Variants in DAPK1 observed in about 807,000 individuals in gnomAD.
The protein encoded by DAPK1 is death-associated protein kinase 1.
Under a neutral mutation model 144.9 loss-of-function variants are expected in DAPK1, and 56 were observed. That is an observed-to-expected ratio of 0.39 (90% confidence interval 0.31 to 0.48). DAPK1 has a LOEUF of 0.48. Among genes scored for constraint, DAPK1 ranks in the 20% least tolerant of loss-of-function variants. The probability of loss-of-function intolerance (pLI) is 0.95; values close to 1 mark genes in which losing one functional copy is unlikely to be tolerated. For synonymous variants in DAPK1, 690 were observed against 749.0 expected, an observed-to-expected ratio of 0.92 and a Z score of 1.29; for missense variants, 1,454 against 1,875.4, an observed-to-expected ratio of 0.78 and a Z score of 4.15.
chr9:87,643,279 C>G, intron 10 of DAPK1, 97 bp from the exon 11 acceptor site: 1 of 682,028 alleles, frequency 1.5e-6, no homozygotes, highest in Non-Finnish European at 2.4e-6. Flanking sequence ...GTCGTTTGTA[C>G]TCATTTGACA....
At chr9:87,681,271 T>TC (rs1385605240) in intron 19 of DAPK1, 133 bp from the exon 20 acceptor site, 1 of 403,598 alleles carries the variant, frequency 2.5e-6, no homozygotes, top group Non-Finnish European at 4.3e-6. Flanking sequence ...AGAGTGAAAC[T>TC]CCGTCTCAAA....
chr9:87,568,146 GCACCGGGGAGCTGC>G (rs1295514127), intron 2 of DAPK1, among the ~76,000 whole-genome samples: 1 of 152,224 alleles, frequency 6.6e-6, no homozygotes, highest in Non-Finnish European at 1.5e-5. Flanking sequence ...CAGGCATAAG[GCACCGGGGAGCTGC>G]GGGCCTGTGT....
At chr9:87,644,961 A>G (rs369195429) in intron 11 of DAPK1, among the ~76,000 whole-genome samples, 4 of 152,330 alleles carry the variant, frequency 2.6e-5, no homozygotes, top group South Asian at 4.1e-4. Flanking sequence ...GCATTCTTAA[A>G]CATGCATTTT....
chr9:87,648,631 G>A (rs1370474700), intron 14 of DAPK1, 150 bp from the exon 15 acceptor site: 1 of 639,610 alleles, frequency 1.6e-6, no homozygotes, highest in African/African-American at 1.8e-5. Flanking sequence ...CCCCATCCTA[G>A]CCACTATAGG....
chr9:87,641,984 C>G lies in DAPK1; in HGVS notation c.844C>G (p.Gln282Glu). Residue 282 changes from glutamine to glutamate, a missense_variant, in exon 10 of 26, where the codon CAG (glutamine) becomes GAG (glutamate). Coordinates refer to ENST00000408954, the MANE Select transcript of DAPK1 (RefSeq NM_004938.4). Reference sequence around the variant, plus strand: ...TTTATTTTAGCCTAAAGATACACAACAGGCACTTAGTAGAAAAGCATCAGC... The same window carrying G: ...TTTATTTTAGCCTAAAGATACACAAGAGGCACTTAGTAGAAAAGCATCAGC... The part of the protein sequence containing the change: ...HPWIKPKDTQ[Q>E]ALSRKASAVN... The G allele has an allele frequency of 5.0e-6, 8 of 1,613,584 alleles. No homozygotes were observed. Among genetic ancestry groups the G allele is most frequent in the Non-Finnish European group, 6.8e-6 (8 of 1,179,716 alleles).
rs563842094 is a variant in DAPK1 at position 87,520,781 on chromosome 9, G to A, written c.62+21642G>A. On this transcript the variant is annotated intron_variant, in intron 2 of 25. Transcript: ENST00000408954. ...TGTGTATACATACATACCTGTGTGC[G>A]TACATACATAGGTATATATACATAC... is the stretch of plus-strand genomic sequence containing the variant. Among the ~76,000 whole-genome samples, 7 of 152,192 alleles carry A rather than the reference G, an allele frequency of 4.6e-5. No individual in the cohort carries two copies. In the East Asian group the frequency reaches 5.8e-4, roughly 13 times the overall value.
At chr9:87,552,945 T>A (rs978411642) in intron 2 of DAPK1, among the ~76,000 whole-genome samples, 1 of 151,922 alleles carries the variant, frequency 6.6e-6, no homozygotes, top group Non-Finnish European at 1.5e-5. Context: ...TCAGTGGCAG[T>A]AAGAACATTC....
At chr9:87,691,251 A>G (rs1825044572) in intron 21 of DAPK1, among the ~76,000 whole-genome samples, 1 of 151,918 alleles carries the variant, frequency 6.6e-6, no homozygotes, top group Non-Finnish European at 1.5e-5. Flanking sequence ...GAATTTATCC[A>G]TTTCCTCTAG....
intron 17 of DAPK1, among the ~76,000 whole-genome samples, chr9:87,654,355 A>G (rs564888582): frequency 2.0e-5 from 3 of 152,362 alleles, no homozygotes; most frequent in Non-Finnish European, 2.9e-5. Context: ...ATGTTTATCA[A>G]TGGCATATAC....
intron 19 of DAPK1, among the ~76,000 whole-genome samples, chr9:87,673,078 G>A (rs767885300): frequency 5.9e-5 from 9 of 152,146 alleles, no homozygotes; most frequent in Non-Finnish European, 1.2e-4. Context: ...GGCAGTTTGG[G>A]TGACTGGGAG....
chr9:87,571,473 A>ACACC (rs377253457), intron 2 of DAPK1, among the ~76,000 whole-genome samples: 2,550 of 57,484 alleles, frequency 0.044, 558 homozygotes, highest in African/African-American at 0.094. Flanking sequence ...ACACACACAC[A>ACACC]CCAACACACA....
chr9:87,686,253 C>T lies in DAPK1; in HGVS notation c.2225-298C>T, dbSNP rs1007955870. 1.5e-3 allele frequency among the ~76,000 whole-genome samples: 236 copies of T among 152,260 alleles called. 1 individual carries two copies. Among genetic ancestry groups the T allele is most frequent in the African/African-American group, 5.4e-3 (224 of 41,550 alleles). On this transcript the variant is annotated intron_variant, in intron 20 of 25. Transcript: ENST00000408954. This position sits in a 1 kb window ranked among gnomAD's most constrained non-coding sequence, Gnocchi z 4.2. ...CTCTCCACAGCCTCCCGTTGGCTGA[C>T]CCTAAGCAGAAATCACATGGCAAGC...
chr9:87,601,415 C>A (rs1168130010), intron 2 of DAPK1, among the ~76,000 whole-genome samples: 1 of 152,204 alleles, frequency 6.6e-6, no homozygotes, highest in East Asian at 1.9e-4. Flanking sequence ...TGGCAACACA[C>A]CCTCTGGGTG....
At chr9:87,632,766 A>G in intron 3 of DAPK1, 2 of 982,056 alleles carry the variant, frequency 2.0e-6, no homozygotes, top group Non-Finnish European at 2.4e-6. Flanking sequence ...GAGGATGAGT[A>G]TATATGTAGA....
intron 2 of DAPK1, among the ~76,000 whole-genome samples, chr9:87,550,703 A>G (rs1050790233): frequency 2.0e-5 from 3 of 152,086 alleles, no homozygotes; most frequent in African/African-American, 7.2e-5. Context: ...TCAGTATACA[A>G]ATTTGAGGGG....
At chr9:87,705,222 T>C (rs1309744947) in intron 25 of DAPK1, among the ~76,000 whole-genome samples, 1 of 150,260 alleles carries the variant, frequency 6.7e-6, no homozygotes, top group African/African-American at 2.4e-5. Context: ...TTTATTTATT[T>C]TTTTAATTAA....
intron 3 of DAPK1, among the ~76,000 whole-genome samples, chr9:87,636,286 A>G (rs1829892284): frequency 6.6e-6 from 1 of 152,070 alleles, no homozygotes; most frequent in Admixed American, 6.5e-5. Context: ...CCCCTGGAGG[A>G]TAGGGGAGGC....
At chr9:87,681,321 T>G (rs1824609650) in intron 19 of DAPK1, 83 bp from the exon 20 acceptor site, 4 of 777,978 alleles carry the variant, frequency 5.1e-6, no homozygotes, top group Non-Finnish European at 8.8e-6. Context: ...GGGTAAAAAC[T>G]GCACACCGGG....
At chr9:87,526,371 G>A (rs1049006920) in intron 2 of DAPK1, among the ~76,000 whole-genome samples, 6 of 152,170 alleles carry the variant, frequency 3.9e-5, no homozygotes, top group Non-Finnish European at 5.9e-5. Context: ...TGTTCTTGCA[G>A]TGTCTCCTTT....
Sources: allele counts gnomAD v4.1 joint callset (sites outside exome capture counted in the v4.1 genomes callset), GRCh38; gene constraint gnomAD v4.1.1; non-coding constraint Gnocchi (gnomAD v3.1); transcripts MANE v1.5; gene names NCBI Gene and HGNC (gene_info 2026-07-23, HGNC 2026-07-21).